Variants in LONP2 observed in about 807,000 individuals in gnomAD.
LONP2 encodes lon peptidase 2, peroxisomal.
LONP2 carries 60 observed loss-of-function variants against 85.6 expected under a neutral mutation model. The ratio of observed to expected loss-of-function variants is 0.70; its 90% confidence interval spans 0.57 to 0.87. The LOEUF (loss-of-function observed/expected upper bound fraction) is 0.87. Ranked by LOEUF, LONP2 falls within the 40% of genes least tolerant of loss-of-function variation. LONP2 has a pLI of 0.00. For missense variants in LONP2, 860 were observed against 1,063.5 expected (o/e 0.81, Z 2.66); for synonymous variants, 395 against 389.7 (o/e 1.01, Z -0.16).
intron 7 of LONP2, among the ~76,000 whole-genome samples, chr16:48,272,039 ACAT>A (rs1304218681): frequency 6.6e-6 from 1 of 152,238 alleles, no homozygotes; most frequent in Non-Finnish European, 1.5e-5. Context: ...TGTGAAATTG[ACAT>A]CATAAGCACG....
intron 1 of LONP2, among the ~76,000 whole-genome samples, chr16:48,250,425 T>C (rs186718839): frequency 6.6e-6 from 1 of 151,788 alleles, no homozygotes; most frequent in East Asian, 1.9e-4. Context: ...GAGGTTGCAG[T>C]GAGCCAAGAT....
chr16:48,277,033 G>T (rs1685800025), intron 7 of LONP2, among the ~76,000 whole-genome samples: 1 of 152,126 alleles, frequency 6.6e-6, no homozygotes, highest in African/African-American at 2.4e-5. Flanking sequence ...TTGGAATCTT[G>T]AAGAGTAAGA....
chr16:48,250,022 T>TACAG (rs1056553594), intron 1 of LONP2, among the ~76,000 whole-genome samples: 1 of 152,026 alleles, frequency 6.6e-6, no homozygotes, highest in African/African-American at 2.4e-5. Context: ...TGAAACCCTG[T>TACAG]CTCTACTAAA....
intron 11 of LONP2, among the ~76,000 whole-genome samples, chr16:48,305,158 A>G (rs1349326500): frequency 6.6e-6 from 1 of 152,214 alleles, no homozygotes; most frequent in African/African-American, 2.4e-5. Flanking sequence ...GATTGGAGGG[A>G]GGCAGTGCCT....
At chr16:48,343,074 T>G (rs1295969944) in intron 12 of LONP2, among the ~76,000 whole-genome samples, 4 of 152,210 alleles carry the variant, frequency 2.6e-5, no homozygotes, top group Non-Finnish European at 4.4e-5. Flanking sequence ...GACGCTTGCC[T>G]CTTCAGAGCT....
intron 14 of LONP2, among the ~76,000 whole-genome samples, chr16:48,351,003 G>A (rs1269361063): frequency 6.6e-6 from 1 of 152,144 alleles, no homozygotes; most frequent in Non-Finnish European, 1.5e-5. Flanking sequence ...AGATCATACA[G>A]CATCACTCCC....
rs1220321347 is a variant in LONP2, at chr16:48,351,624, G to A, written c.2381G>A (p.Gly794Glu). The A allele has an allele frequency of 1.2e-6, 2 of 1,614,048 alleles. No individual in the cohort carries two copies. Among genetic ancestry groups the A allele is most frequent in the African/African-American group, 2.7e-5 (2 of 75,006 alleles). Reference protein sequence around the residue: ...KDKVLAAHRAGLKQVIIPRRN... With the variant: ...KDKVLAAHRAELKQVIIPRRN... ...AAAGTGCTGGCGGCACACAGAGCGG[G>A]ACTGAAGCAAGTCATTATTCCTCGG... The change falls in exon 15 of 15, where the codon GGA becomes GAA. Residue 794 changes from glycine to glutamate, a missense_variant. Physicochemically the swap from Gly to Glu is moderately conservative, Grantham distance 98. Around this residue, in one of 3 missense-constraint regions of LONP2, gnomAD observed 115 missense variants for 129.0 expected, o/e 0.89. Transcript: ENST00000285737.
intron 8 of LONP2, among the ~76,000 whole-genome samples, chr16:48,289,014 A>G (rs1258406709): frequency 6.6e-6 from 1 of 152,180 alleles, no homozygotes. Flanking sequence ...ACTTCATAAT[A>G]TGTCTATCCT....
chr16:48,314,212 C>G (rs1213038011), intron 11 of LONP2, among the ~76,000 whole-genome samples: 1 of 150,892 alleles, frequency 6.6e-6, no homozygotes, highest in African/African-American at 2.4e-5. Context: ...AGACTTTTGT[C>G]GGGTGGATAG....
chr16:48,264,178 G>A (rs9938523), intron 6 of LONP2, among the ~76,000 whole-genome samples: 31,566 of 151,948 alleles, frequency 0.21, 4,025 homozygotes, highest in African/African-American at 0.36. Flanking sequence ...ATCAGGAGAC[G>A]GGGTTTTGAG....
chr16:48,287,704 G>A (rs757556470), intron 8 of LONP2, among the ~76,000 whole-genome samples: 1 of 152,200 alleles, frequency 6.6e-6, no homozygotes, highest in Admixed American at 6.5e-5. Flanking sequence ...TTGAGAGAAA[G>A]GGATGAGTGT....
At chr16:48,244,925 C>T (rs1276439767) in intron 1 of LONP2, among the ~76,000 whole-genome samples, 1 of 152,200 alleles carries the variant, frequency 6.6e-6, no homozygotes, top group Non-Finnish European at 1.5e-5. Flanking sequence ...CGGTCTTCAG[C>T]CTCCTAGGCC....
chr16:48,327,531 C>T (rs927752729), intron 11 of LONP2, among the ~76,000 whole-genome samples: 4 of 152,232 alleles, frequency 2.6e-5, no homozygotes, highest in Non-Finnish European at 5.9e-5. Flanking sequence ...GATCTCGGCT[C>T]ACTGCAACCT....
At chr16:48,289,993 C>G (rs1972527672) in intron 8 of LONP2, among the ~76,000 whole-genome samples, 1 of 152,088 alleles carries the variant, frequency 6.6e-6, no homozygotes, top group South Asian at 2.1e-4. Context: ...AGGTGTTATT[C>G]TAATGACATT....
At chr16:48,275,186 TTC>T (rs59746431) in intron 7 of LONP2, among the ~76,000 whole-genome samples, 2,082 of 152,286 alleles carry the variant, frequency 0.014, 48 homozygotes, top group African/African-American at 0.047. Context: ...TTTGCCTGTG[TTC>T]TCTCATGATC....
intron 14 of LONP2, 133 bp from the exon 15 acceptor site, chr16:48,351,448 C>G: frequency 1.4e-6 from 1 of 692,172 alleles, no homozygotes; most frequent in South Asian, 2.0e-5. Context: ...CTAGCTCATG[C>G]TATAACAAAA....
At chr16:48,334,141 T>G in intron 11 of LONP2, 75 bp from the exon 12 acceptor site, 1 of 1,429,648 alleles carries the variant, frequency 7.0e-7, no homozygotes, top group Non-Finnish European at 9.6e-7. Flanking sequence ...GGGCTTTTGT[T>G]TGATATTTAC....
chr16:48,263,382 A>G (rs956883048), intron 6 of LONP2, among the ~76,000 whole-genome samples: 1 of 151,858 alleles, frequency 6.6e-6, no homozygotes, highest in African/African-American at 2.4e-5. Context: ...CTACTAGTCT[A>G]CTCTCCATTT....
intron 12 of LONP2, chr16:48,344,691 G>A (rs1215821411): frequency 6.6e-6 from 1 of 152,118 alleles, no homozygotes; most frequent in African/African-American, 2.4e-5. Context: ...AAGATGGAAA[G>A]ATGGGAAGAT....
Sources: gnomAD v4.1 joint callset for allele counts (sites outside exome capture counted in the v4.1 genomes callset) on GRCh38, gnomAD v4.1.1 for gene constraint, gnomAD v4.1.1 regional missense constraint, MANE v1.5 for transcripts, NCBI Gene and HGNC (gene_info 2026-07-23, HGNC 2026-07-21) for gene names.